Variants in ERBB4 observed in about 807,000 individuals in gnomAD.
The protein encoded by ERBB4 is receptor tyrosine-protein kinase erbB-4.
Under a neutral mutation model 158.0 loss-of-function variants are expected in ERBB4, and 42 were observed. The ratio of observed to expected loss-of-function variants is 0.27; its 90% CI spans 0.21 to 0.34. The LOEUF (loss-of-function observed/expected upper bound fraction) is 0.34. Ranked by LOEUF, ERBB4 falls within the 10% of genes least tolerant of loss-of-function variation. The probability of loss-of-function intolerance (pLI) is 1.00; values close to 1 mark genes in which losing one functional copy is unlikely to be tolerated. For synonymous variants in ERBB4, 583 were observed against 558.7 expected (o/e 1.04, Z -0.61); for missense variants, 1,333 against 1,624.1 (o/e 0.82, Z 3.08).
intron 1 of ERBB4, among the ~76,000 whole-genome samples, chr2:212,300,599 A>C (rs2086583791): frequency 6.6e-6 from 1 of 151,506 alleles, no homozygotes; most frequent in South Asian, 2.1e-4. Context: ...GAAAGCAGTA[A>C]ATCGAGATGT....
intron 20 of ERBB4, among the ~76,000 whole-genome samples, chr2:211,525,706 C>G (rs76509106): frequency 0.12 from 18,375 of 152,018 alleles, 1,904 homozygotes; most frequent in African/African-American, 0.28. Flanking sequence ...GGGCCAAAAG[C>G]GAGCCCATTG....
intron 20 of ERBB4, among the ~76,000 whole-genome samples, chr2:211,502,447 A>G (rs1431049215): frequency 6.6e-6 from 1 of 152,180 alleles, no homozygotes; most frequent in African/African-American, 2.4e-5. Context: ...ATAAACATTC[A>G]ATTACCTATT....
At chr2:212,367,393 G>A (rs975477608) in intron 1 of ERBB4, among the ~76,000 whole-genome samples, 3 of 152,026 alleles carry the variant, frequency 2.0e-5, no homozygotes, top group African/African-American at 7.2e-5. Context: ...ACACGTAGGA[G>A]AATGATACTG....
chr2:212,523,472 G>A (rs1336905917), intron 1 of ERBB4, among the ~76,000 whole-genome samples: 2 of 151,868 alleles, frequency 1.3e-5, no homozygotes, highest in Non-Finnish European at 2.9e-5. Flanking sequence ...TTTTTAAATT[G>A]AGAATGATTA....
intron 2 of ERBB4, among the ~76,000 whole-genome samples, chr2:212,087,038 A>G (rs1221966108): frequency 1.3e-5 from 2 of 151,996 alleles, no homozygotes; most frequent in South Asian, 2.1e-4. Flanking sequence ...GGAAAGATGT[A>G]TATCTTCCTG....
intron 2 of ERBB4, among the ~76,000 whole-genome samples, chr2:212,079,684 G>A (rs2078378969): frequency 6.6e-6 from 1 of 151,948 alleles, no homozygotes; most frequent in Admixed American, 6.6e-5. Context: ...AGGCATAGAT[G>A]CTTCCTTTTA....
chr2:212,157,949 C>G (rs958305156), intron 1 of ERBB4, among the ~76,000 whole-genome samples: 1 of 152,044 alleles, frequency 6.6e-6, no homozygotes, highest in Non-Finnish European at 1.5e-5. Flanking sequence ...AAATCTGATT[C>G]TGTCACCATG....
chr2:212,070,957 T>C, intron 2 of ERBB4, among the ~76,000 whole-genome samples: 1 of 151,938 alleles, frequency 6.6e-6, no homozygotes, highest in East Asian at 1.9e-4. Flanking sequence ...TAAAATTTTG[T>C]TTTCAAAATT....
At chr2:212,062,155 T>C (rs141754453) in intron 2 of ERBB4, among the ~76,000 whole-genome samples, 355 of 152,318 alleles carry the variant, frequency 2.3e-3, no homozygotes, top group African/African-American at 8.3e-3. Flanking sequence ...TTTTCAATAT[T>C]ACAAATTTTC....
intron 1 of ERBB4, among the ~76,000 whole-genome samples, chr2:212,320,944 CTGTT>C (rs1271296546): frequency 6.7e-6 from 1 of 150,184 alleles, no homozygotes; most frequent in Non-Finnish European, 1.5e-5. Flanking sequence ...CCTGAAAAAA[CTGTT>C]TCTTTTTGTT....
intron 2 of ERBB4, among the ~76,000 whole-genome samples, chr2:212,056,983 C>A (rs111591380): frequency 0.19 from 28,459 of 152,084 alleles, 2,948 homozygotes; most frequent in African/African-American, 0.28. Context: ...CACAGACTGG[C>A]AAATTGGATA....
intron 1 of ERBB4, among the ~76,000 whole-genome samples, chr2:212,324,370 A>G (rs900963298): frequency 6.6e-6 from 1 of 150,638 alleles, no homozygotes; most frequent in Non-Finnish European, 1.5e-5. Flanking sequence ...TCGGCCTCTC[A>G]CTTTGAAAAC....
chr2:211,884,922 T>TTCTC (rs991204760), intron 3 of ERBB4, among the ~76,000 whole-genome samples: 4 of 152,178 alleles, frequency 2.6e-5, no homozygotes, highest in African/African-American at 9.7e-5. Context: ...TATTACTCTA[T>TTCTC]TCTCTTTTTT....
At chr2:212,439,185 A>G (rs185026682) in intron 1 of ERBB4, among the ~76,000 whole-genome samples, 2,138 of 152,274 alleles carry the variant, frequency 0.014, 47 homozygotes, top group African/African-American at 0.049. Flanking sequence ...TCAAATTTAC[A>G]GATGAGTAAA....
At chr2:211,782,574 A>C (rs191408683) in intron 4 of ERBB4, among the ~76,000 whole-genome samples, 247 of 152,328 alleles carry the variant, frequency 1.6e-3, no homozygotes, top group Non-Finnish European at 2.8e-3. Context: ...GTTGCCCTCT[A>C]AAATTTAAGC....
chr2:211,458,781 C>G (rs144848419), intron 20 of ERBB4, among the ~76,000 whole-genome samples: 20 of 152,218 alleles, frequency 1.3e-4, no homozygotes, highest in African/African-American at 3.9e-4. Flanking sequence ...ACTACTAACA[C>G]AAATAGAAAA....
chr2:212,383,262 C>T lies in ERBB4; in HGVS notation c.82+155187G>A, dbSNP rs374672408. The stretch of plus-strand genomic sequence containing the variant: ...AACCATCAACTGGTCTACCTACCTA[C>T]ACCCTACAATTGGTTTATGAAGAAA... On this transcript the variant is annotated intron_variant, in intron 1 of 27. Transcript: ENST00000342788. Among the ~76,000 whole-genome samples the T allele has an allele frequency of 3.3e-5, 5 of 151,420 alleles. No homozygotes were observed. In the Admixed American group the frequency reaches 3.3e-4, roughly 10 times the overall value.
intron 6 of ERBB4, among the ~76,000 whole-genome samples, chr2:211,724,714 A>G (rs144709442): frequency 6.6e-6 from 1 of 152,318 alleles, no homozygotes; most frequent in African/African-American, 2.4e-5. Context: ...TTTATATTCA[A>G]GAAATAAAAT....
At chr2:211,515,248 C>A (rs2065991623) in intron 20 of ERBB4, among the ~76,000 whole-genome samples, 2 of 152,110 alleles carry the variant, frequency 1.3e-5, no homozygotes, top group Admixed American at 1.3e-4. Context: ...TCTTGCCCAT[C>A]ACCCTGGTGA....
Sources: allele counts gnomAD v4.1 joint callset (sites outside exome capture counted in the v4.1 genomes callset), GRCh38; gene constraint gnomAD v4.1.1; transcripts MANE v1.5; gene names NCBI Gene and HGNC (gene_info 2026-07-23, HGNC 2026-07-21).